Variants in USP32 observed in about 807,000 individuals in gnomAD.
USP32 encodes the protein ubiquitin specific peptidase 32.
USP32 carries 59 observed loss-of-function variants against 204.8 expected under a neutral mutation model. The observed-to-expected ratio is 0.29, with a 90% CI of 0.23 to 0.36. The LOEUF is 0.36. Among genes scored for constraint, USP32 ranks in the 10% least tolerant of loss-of-function variants. USP32 has a pLI of 1.00. For synonymous variants in USP32, 517 were observed against 678.4 expected, an observed-to-expected ratio of 0.76 and a Z score of 3.70; for missense variants, 1,160 against 1,946.4, an observed-to-expected ratio of 0.60 and a Z score of 7.60.
chr17:60,288,458 A>G, intron 5 of USP32, 65 bp downstream of exon 5: 1 of 1,512,258 alleles, frequency 6.6e-7, no homozygotes, highest in Non-Finnish European at 8.9e-7. Context: ...GCATATTCTC[A>G]TATTACCAGC....
chr17:60,298,059 C>T (rs1359424906), intron 3 of USP32, among the ~76,000 whole-genome samples: 2 of 152,112 alleles, frequency 1.3e-5, no homozygotes, highest in African/African-American at 4.8e-5. Context: ...ACTTATAGGG[C>T]CTAACTGTAA....
At chr17:60,304,396 T>A (rs1364585105) in intron 2 of USP32, among the ~76,000 whole-genome samples, 5 of 150,640 alleles carry the variant, frequency 3.3e-5, no homozygotes, top group Non-Finnish European at 7.4e-5. Flanking sequence ...AACAGAGAAG[T>A]CATTACCAGC....
intron 1 of USP32, among the ~76,000 whole-genome samples, chr17:60,363,689 G>T (rs2146062253): frequency 6.6e-6 from 1 of 151,804 alleles, no homozygotes; most frequent in Admixed American, 6.6e-5. Flanking sequence ...GGTGGAGATG[G>T]AGTCTCCCTA....
At chr17:60,247,985 G>A (rs963898871) in intron 11 of USP32, among the ~76,000 whole-genome samples, 5 of 152,110 alleles carry the variant, frequency 3.3e-5, no homozygotes, top group Admixed American at 3.3e-4. Context: ...CGCCTGGCCT[G>A]GATTTATTTC....
intron 1 of USP32, among the ~76,000 whole-genome samples, chr17:60,376,611 C>T (rs1359615175): frequency 2.0e-5 from 3 of 151,800 alleles, no homozygotes; most frequent in South Asian, 2.1e-4. Flanking sequence ...GCAACCTCTG[C>T]CTCCCGGATT....
At chr17:60,336,805 G>A (rs2088533415) in intron 2 of USP32, among the ~76,000 whole-genome samples, 1 of 151,958 alleles carries the variant, frequency 6.6e-6, no homozygotes, top group Admixed American at 6.6e-5. Context: ...AAAAAGAGAG[G>A]CAATCAACAT....
intron 29 of USP32, among the ~76,000 whole-genome samples, chr17:60,186,223 G>T (rs191749747): frequency 6.6e-6 from 1 of 152,264 alleles, no homozygotes; most frequent in East Asian, 1.9e-4. Context: ...AAAACAAAAA[G>T]AATTGCATTT....
intron 8 of USP32, 43 bp from the exon 9 acceptor site, chr17:60,265,517 T>C (rs767989882): frequency 7.7e-7 from 1 of 1,305,196 alleles, no homozygotes; most frequent in Admixed American, 1.9e-5. Flanking sequence ...ACAGTGAATA[T>C]ACTTTTAATT....
intron 16 of USP32, among the ~76,000 whole-genome samples, chr17:60,218,986 G>C (rs895315020): frequency 6.6e-6 from 1 of 152,200 alleles, no homozygotes; most frequent in African/African-American, 2.4e-5. Context: ...TAACCTTACA[G>C]AGAAATGAAA....
In USP32 at chr17:60,252,455, A is replaced by T. The variant is rs777258181; in HGVS notation, c.1075-13T>A. 6.2e-7 allele frequency: 1 copy of T among 1,601,824 alleles called. No homozygotes were observed. Among genetic ancestry groups the T allele is most frequent in the African/African-American group, 1.3e-5 (1 of 74,614 alleles). ...CTATGTGACACACCTAGGGAAAAAAATGGTAAATCAAAGTTTATTAACTGC... is the reference window on the plus strand; with the variant it reads ...CTATGTGACACACCTAGGGAAAAAATTGGTAAATCAAAGTTTATTAACTGC... On this transcript the variant is annotated splice_polypyrimidine_tract_variant and intron_variant, in intron 10 of 33. Coordinates refer to ENST00000300896, the MANE Select transcript of USP32 (RefSeq NM_032582.4).
At chr17:60,359,562 G>A (rs2146047845) in intron 1 of USP32, among the ~76,000 whole-genome samples, 1 of 152,250 alleles carries the variant, frequency 6.6e-6, no homozygotes, top group Admixed American at 6.5e-5. Context: ...TGTAATTCCA[G>A]AACTTTGGGA....
At chr17:60,349,095 T>G (rs1427969649) in intron 1 of USP32, among the ~76,000 whole-genome samples, 1 of 151,274 alleles carries the variant, frequency 6.6e-6, no homozygotes, top group Non-Finnish European at 1.5e-5. Flanking sequence ...AATTAAACAT[T>G]CAAATAATAT....
chr17:60,208,888 A>G (rs2084895699), intron 22 of USP32, 60 bp from the exon 23 acceptor site: 5 of 1,469,218 alleles, frequency 3.4e-6, no homozygotes, highest in Non-Finnish European at 4.5e-6. Context: ...ATTTCTATAT[A>G]AATTCAAAGA....
At chr17:60,255,037 G>T in intron 10 of USP32, 138 bp downstream of exon 10, 2 of 583,996 alleles carry the variant, frequency 3.4e-6, no homozygotes, top group Non-Finnish European at 5.8e-6. Flanking sequence ...TTTCAGACGA[G>T]TAATGTAGTT....
rs1427560489 is a variant in USP32 at position 60,350,173 on chromosome 17, T to G, written c.59-4565A>C. On this transcript the variant is annotated intron_variant, in intron 1 of 33. Transcript: ENST00000300896. ...GACCACAGGCTCCCACTGCCACACGTGGATAATTTTTTGAATTTTTAAATA... is the reference window on the plus strand; with the variant it reads ...GACCACAGGCTCCCACTGCCACACGGGGATAATTTTTTGAATTTTTAAATA... 2.6e-5 allele frequency among the ~76,000 whole-genome samples: 4 copies of G among 151,552 alleles called. No individual in the cohort carries two copies. The East Asian group carries it at 5.8e-4, about 22-fold the overall frequency.
chr17:60,344,191 C>T (rs1474471201), intron 2 of USP32, among the ~76,000 whole-genome samples: 2 of 142,758 alleles, frequency 1.4e-5, no homozygotes, highest in Non-Finnish European at 3.0e-5. Flanking sequence ...TGCAGTGGCA[C>T]AGTCTCAACT....
intron 1 of USP32, among the ~76,000 whole-genome samples, chr17:60,410,379 C>G (rs1050206488): frequency 1.1e-4 from 16 of 152,238 alleles, no homozygotes; most frequent in Admixed American, 4.6e-4. Context: ...CTTTAAAAAC[C>G]CTAGCCTCGG....
intron 11 of USP32, chr17:60,249,191 C>A (rs2086108251): frequency 6.6e-6 from 1 of 152,224 alleles, no homozygotes; most frequent in South Asian, 2.1e-4. Context: ...CATTCACACC[C>A]TTTTCCTGAT....
At chr17:60,394,734 TTTTATTTA>T (rs988781053), upstream of USP32, among the ~76,000 whole-genome samples, 6 of 151,982 alleles carry the variant, frequency 3.9e-5, no homozygotes, top group Non-Finnish European at 7.4e-5. Context: ...GTAGGTAATT[TTTTATTTA>T]TTTATTTATT....
Sources: gnomAD v4.1 joint callset for allele counts (sites outside exome capture counted in the v4.1 genomes callset) on GRCh38, gnomAD v4.1.1 for gene constraint, MANE v1.5 for transcripts, NCBI Gene and HGNC (gene_info 2026-07-23, HGNC 2026-07-21) for gene names.